The following AKR1C3 variants were observed in gnomAD, a reference collection of about 807,000 sequenced individuals.
AKR1C3 encodes aldo-keto reductase family 1 member C3, also known as 3-alpha hydroxysteroid dehydrogenase, type II.
AKR1C3 carries 48 observed loss-of-function variants against 43.6 expected under a neutral mutation model. The ratio of observed to expected loss-of-function variants is 1.10; its 90% CI spans 0.87 to 1.40. The LOEUF is 1.40. Ranked by LOEUF, AKR1C3 falls within the 40% of genes most tolerant of loss-of-function variation. AKR1C3 has a pLI of 0.00. For missense variants in AKR1C3, 482 were observed against 391.2 expected, an observed-to-expected ratio of 1.23 and a Z score of -1.96; for synonymous variants, 162 against 139.6, an observed-to-expected ratio of 1.16 and a Z score of -1.13.
intron 8 of AKR1C3, 53 bp downstream of exon 8, chr10:5,105,730 A>T (rs1839484937): frequency 8.4e-6 from 12 of 1,428,582 alleles, no homozygotes; most frequent in Non-Finnish European, 9.8e-6. Context: ...GAAGGAATGT[A>T]GGATGGGTGT....
chr10:5,097,083 G>T (rs1310291415), intron 2 of AKR1C3, among the ~76,000 whole-genome samples: 1 of 152,036 alleles, frequency 6.6e-6, no homozygotes, highest in Non-Finnish European at 1.5e-5. Context: ...AACATAAATA[G>T]CTATTCTTAA....
chr10:5,084,296 G>A (rs572298908), intron 1 of AKR1C3, among the ~76,000 whole-genome samples: 1 of 151,734 alleles, frequency 6.6e-6, no homozygotes, highest in South Asian at 2.1e-4. Context: ...TCTACATGTG[G>A]CTAGCCAGTT....
chr10:5,103,395 A>T (rs1239287173), intron 7 of AKR1C3, among the ~76,000 whole-genome samples: 1 of 152,136 alleles, frequency 6.6e-6, no homozygotes, highest in Non-Finnish European at 1.5e-5. Flanking sequence ...GACCATAATT[A>T]TACTATTAAA....
chr10:5,049,211 T>C (rs1838100961), intron 1 of AKR1C3, among the ~76,000 whole-genome samples: 1 of 152,184 alleles, frequency 6.6e-6, no homozygotes, highest in Admixed American at 6.5e-5. Context: ...CTCTTGGAAA[T>C]TGATGGCAAT....
chr10:5,054,476 T>G (rs755894840), intron 1 of AKR1C3, among the ~76,000 whole-genome samples: 4 of 152,184 alleles, frequency 2.6e-5, no homozygotes, highest in African/African-American at 7.2e-5. Flanking sequence ...AAGACTAAGG[T>G]GCAGGTGCCT....
chr10:5,052,165 C>G (rs1000231105), intron 1 of AKR1C3, among the ~76,000 whole-genome samples: 3 of 152,096 alleles, frequency 2.0e-5, no homozygotes, highest in Non-Finnish European at 4.4e-5. Context: ...AGCTGCAGAC[C>G]TACATGGTGA....
At chr10:5,084,593 GT>G (rs566474613) in intron 1 of AKR1C3, among the ~76,000 whole-genome samples, 2 of 152,138 alleles carry the variant, frequency 1.3e-5, no homozygotes, top group East Asian at 1.9e-4. Flanking sequence ...CTTTAAAGTA[GT>G]TTTTTCCAAT....
intron 1 of AKR1C3, among the ~76,000 whole-genome samples, chr10:5,072,968 A>G (rs1448829309): frequency 2.6e-5 from 4 of 151,848 alleles, no homozygotes; most frequent in South Asian, 2.1e-4. Flanking sequence ...TTATTTGTTT[A>G]TTTATTTATT....
chr10:5,100,556 C>A (rs1040547641), intron 5 of AKR1C3, among the ~76,000 whole-genome samples: 5 of 152,258 alleles, frequency 3.3e-5, no homozygotes, highest in Admixed American at 6.5e-5. Flanking sequence ...AAATTGACTT[C>A]CCCCAAATGT....
At chr10:5,077,698 CCAAA>C in intron 1 of AKR1C3, 2 of 1,139,050 alleles carry the variant, frequency 1.8e-6, no homozygotes, top group Non-Finnish European at 2.1e-6. Context: ...TTGAAACTAA[CCAAA>C]CATTTAATCC....
At chr10:5,085,217 A>G (rs1472202937) in intron 1 of AKR1C3, among the ~76,000 whole-genome samples, 1 of 152,020 alleles carries the variant, frequency 6.6e-6, no homozygotes, top group African/African-American at 2.4e-5. Flanking sequence ...TGGGTTTGTC[A>G]TAGATAGCTC....
intron 1 of AKR1C3, among the ~76,000 whole-genome samples, chr10:5,049,542 C>G (rs1554778742): frequency 6.6e-6 from 1 of 152,210 alleles, no homozygotes; most frequent in African/African-American, 2.4e-5. Context: ...TCATATGCAT[C>G]AGATTTGTAA....
At chr10:5,085,146 C>G (rs1554782909) in intron 1 of AKR1C3, among the ~76,000 whole-genome samples, 2 of 152,174 alleles carry the variant, frequency 1.3e-5, no homozygotes, top group South Asian at 4.2e-4. Flanking sequence ...GCATCCCTGT[C>G]TTGTGCCAGT....
chr10:5,057,502 T>G (rs141466779), intron 1 of AKR1C3, among the ~76,000 whole-genome samples: 42,030 of 151,970 alleles, frequency 0.28, 5,942 homozygotes, highest in East Asian at 0.39. Flanking sequence ...TTAGAATCAA[T>G]TGACCCTCGA....
At chr10:5,086,488 A>G (rs1217500634) in intron 1 of AKR1C3, among the ~76,000 whole-genome samples, 1 of 151,718 alleles carries the variant, frequency 6.6e-6, no homozygotes, top group Non-Finnish European at 1.5e-5. Flanking sequence ...GGAGAGCTTT[A>G]CTTCTAACTA....
intron 1 of AKR1C3, among the ~76,000 whole-genome samples, chr10:5,059,570 G>C (rs550558138): frequency 6.6e-6 from 1 of 152,140 alleles, no homozygotes; most frequent in African/African-American, 2.4e-5. Context: ...CCGAAGAGTC[G>C]GGGGTTGTTA....
chr10:5,087,272 A>G (rs1349026154), intron 1 of AKR1C3, among the ~76,000 whole-genome samples: 5 of 151,258 alleles, frequency 3.3e-5, no homozygotes, highest in African/African-American at 9.7e-5. Flanking sequence ...GGTGGTGACA[A>G]AGTCTCTATA....
chr10:5,069,017 TTACTC>T (rs1554781075), intron 1 of AKR1C3, among the ~76,000 whole-genome samples: 2 of 152,222 alleles, frequency 1.3e-5, no homozygotes, highest in East Asian at 1.9e-4. Context: ...TTCCTAAAGA[TTACTC>T]AAGTCACATG....
At chr10:5,105,529 G>C in intron 7 of AKR1C3, 66 bp from the exon 8 acceptor site, 1 of 1,219,102 alleles carries the variant, frequency 8.2e-7, no homozygotes, top group Non-Finnish European at 1.2e-6. Context: ...GCACCCTACT[G>C]TCTAATATAC....
Sources: allele counts gnomAD v4.1 joint callset (sites outside exome capture counted in the v4.1 genomes callset), GRCh38; gene constraint gnomAD v4.1.1; transcripts MANE v1.5; gene names NCBI Gene and HGNC (gene_info 2026-07-23, HGNC 2026-07-21).